Variants in SLC39A11 observed in about 807,000 individuals in gnomAD.
SLC39A11 encodes the protein solute carrier family 39 member 11.
A neutral mutation model predicts 36.1 loss-of-function variants in SLC39A11; 33 were observed. That is an observed-to-expected ratio of 0.91 (90% CI 0.69 to 1.22). The LOEUF (loss-of-function observed/expected upper bound fraction) is 1.22. SLC39A11 is among the 50% of genes most tolerant of loss of function. The pLI, the probability that SLC39A11 is intolerant of heterozygous loss-of-function variation, is 0.00. For missense variants in SLC39A11, 432 were observed against 430.3 expected, an observed-to-expected ratio of 1.00 and a Z score of -0.03; for synonymous variants, 166 against 170.3, an observed-to-expected ratio of 0.97 and a Z score of 0.20.
At chr17:72,805,441 G>C (rs1174610473) in intron 6 of SLC39A11, among the ~76,000 whole-genome samples, 1 of 152,224 alleles carries the variant, frequency 6.6e-6, no homozygotes, top group African/African-American at 2.4e-5. Flanking sequence ...GACACCACTT[G>C]TTCAATCAGC....
chr17:72,730,609 C>T (rs111506289), intron 7 of SLC39A11, among the ~76,000 whole-genome samples: 7,371 of 152,296 alleles, frequency 0.048, 217 homozygotes, highest in Middle Eastern at 0.088. Flanking sequence ...CACTTCCCTC[C>T]TCCATCCTAT....
At chr17:72,650,727 G>A (rs370278591) in intron 7 of SLC39A11, among the ~76,000 whole-genome samples, 4 of 152,284 alleles carry the variant, frequency 2.6e-5, no homozygotes, top group Admixed American at 6.5e-5. Flanking sequence ...CACCATCACC[G>A]ACTTTCAGGT....
At chr17:72,826,832 A>T (rs1273893211) in intron 6 of SLC39A11, among the ~76,000 whole-genome samples, 2 of 152,192 alleles carry the variant, frequency 1.3e-5, no homozygotes, top group East Asian at 3.8e-4. Flanking sequence ...GGCTATAATA[A>T]AAAAAAGCAG....
chr17:72,779,200 T>C, intron 6 of SLC39A11, among the ~76,000 whole-genome samples: 1 of 152,104 alleles, frequency 6.6e-6, no homozygotes, highest in East Asian at 1.9e-4. Context: ...TCCCAGTACT[T>C]TGGGAAGCGG....
chr17:72,850,244 T>C (rs539454613), intron 5 of SLC39A11, among the ~76,000 whole-genome samples: 4 of 150,996 alleles, frequency 2.6e-5, no homozygotes, highest in African/African-American at 9.7e-5. Flanking sequence ...AGCCCAGGAG[T>C]TCGAGACCAG....
At chr17:72,794,352 C>T (rs893160883) in intron 6 of SLC39A11, among the ~76,000 whole-genome samples, 8 of 152,086 alleles carry the variant, frequency 5.3e-5, no homozygotes, top group African/African-American at 1.5e-4. Flanking sequence ...AGCCAGCGAG[C>T]GCGGTGAGGA....
intron 5 of SLC39A11, among the ~76,000 whole-genome samples, chr17:72,869,681 G>A (rs1010311276): frequency 9.9e-5 from 15 of 151,848 alleles, no homozygotes; most frequent in African/African-American, 2.2e-4. Context: ...GAGCCACCAC[G>A]CCCAGTGAAT....
chr17:72,648,995 G>A (rs199835517), intron 8 of SLC39A11, 34 bp from the exon 9 acceptor site: 1 of 1,593,910 alleles, frequency 6.3e-7, no homozygotes. Flanking sequence ...ACCACCGCAG[G>A]GGGAGGCAAG....
chr17:72,969,285 T>C (rs986320891), intron 4 of SLC39A11, among the ~76,000 whole-genome samples: 13 of 151,926 alleles, frequency 8.6e-5, no homozygotes, highest in African/African-American at 2.9e-4. Flanking sequence ...CAGAGGACTT[T>C]CCAGGGAGGG....
intron 5 of SLC39A11, among the ~76,000 whole-genome samples, chr17:72,931,246 C>T (rs1197467003): frequency 6.6e-5 from 10 of 152,122 alleles, no homozygotes; most frequent in East Asian, 1.9e-4. Context: ...AAAGACAAGA[C>T]GAGATGAAAC....
chr17:73,081,678 T>TATATGTATGTATATATATAC (rs1447948366), intron 3 of SLC39A11, among the ~76,000 whole-genome samples: 3 of 146,948 alleles, frequency 2.0e-5, no homozygotes. Context: ...CACATATATA[T>TATATGTATGTATATATATAC]ACACATATAT....
intron 6 of SLC39A11, among the ~76,000 whole-genome samples, chr17:72,833,437 G>A (rs1441214833): frequency 5.9e-5 from 9 of 152,186 alleles, no homozygotes; most frequent in African/African-American, 4.8e-5. Flanking sequence ...AGGTCTACAC[G>A]ATCAATGTCT....
chr17:72,716,992 TACACAC>T (rs367641582), intron 7 of SLC39A11, among the ~76,000 whole-genome samples: 4,206 of 126,384 alleles, frequency 0.033, 77 homozygotes, highest in Middle Eastern at 0.07. Context: ...TATATATATA[TACACAC>T]ACACACACAC....
intron 5 of SLC39A11, among the ~76,000 whole-genome samples, chr17:72,892,409 C>CAAA (rs565811065): frequency 1.5e-5 from 1 of 65,646 alleles, no homozygotes; most frequent in Non-Finnish European, 3.2e-5. Flanking sequence ...GACTCCATCT[C>CAAA]AAAAAAAAAA....
intron 4 of SLC39A11, among the ~76,000 whole-genome samples, chr17:73,016,747 T>G (rs932445282): frequency 6.6e-6 from 1 of 152,222 alleles, no homozygotes; most frequent in Non-Finnish European, 1.5e-5. Flanking sequence ...GCTGTGGCAA[T>G]ATTTCAGAAC....
At position 72,945,585 on chromosome 17, in the gene SLC39A11, A is replaced by G. The variant is rs151160263; in HGVS notation, c.430+2167T>C. On this transcript the variant is annotated intron_variant, in intron 5 of 9. Transcript: ENST00000255559. ...CGACCTTTCAAGAGATGGCTGGGAG[A>G]TCATCTCTGTGCTTCCCCAAGAGCT... Among the ~76,000 whole-genome samples, 326 of 152,262 alleles carry G rather than the reference A, an allele frequency of 2.1e-3. 2 individuals carry two copies. The highest frequency in any genetic ancestry group is 7.5e-3 in the African/African-American group (310 of 41,564).
intron 5 of SLC39A11, among the ~76,000 whole-genome samples, chr17:72,863,839 C>T (rs1287710073): frequency 6.6e-6 from 1 of 152,218 alleles, no homozygotes; most frequent in African/African-American, 2.4e-5. Context: ...ATACGAAGCT[C>T]AAGGAAGTTA....
chr17:72,662,369 A>G (rs958047181), intron 7 of SLC39A11, among the ~76,000 whole-genome samples: 3 of 150,888 alleles, frequency 2.0e-5, no homozygotes, highest in African/African-American at 7.3e-5. Flanking sequence ...AAAGGAAGGG[A>G]AGGAAAAGAA....
intron 7 of SLC39A11, among the ~76,000 whole-genome samples, chr17:72,719,697 C>T (rs777766998): frequency 3.9e-5 from 6 of 152,200 alleles, no homozygotes; most frequent in Non-Finnish European, 8.8e-5. Flanking sequence ...TTTCAGAGAG[C>T]TTGACGGGGC....
Sources: allele counts gnomAD v4.1 joint callset (sites outside exome capture counted in the v4.1 genomes callset), GRCh38; gene constraint gnomAD v4.1.1; transcripts MANE v1.5; gene names NCBI Gene and HGNC (gene_info 2026-07-23, HGNC 2026-07-21).